Variants in AIF1L observed in about 807,000 individuals in gnomAD.
AIF1L encodes allograft inflammatory factor 1 like.
Under a neutral mutation model 20.7 loss-of-function variants are expected in AIF1L, and 12 were observed. The ratio of observed to expected loss-of-function variants is 0.58; its 90% CI spans 0.37 to 0.94. The LOEUF is 0.94. AIF1L is among the 40% of genes least tolerant of loss of function. AIF1L has a pLI of 0.01. For synonymous variants in AIF1L, 76 were observed against 65.1 expected (o/e 1.17, Z -0.81); for missense variants, 173 against 185.3 (o/e 0.93, Z 0.39).
At chr9:131,119,049 G>C (rs570684380) in intron 5 of AIF1L, among the ~76,000 whole-genome samples, 1 of 152,340 alleles carries the variant, frequency 6.6e-6, no homozygotes, top group East Asian at 1.9e-4. Flanking sequence ...TGTCTTCCGT[G>C]ATGTCCTGAG....
chr9:131,110,397 C>A (rs1373417065), intron 2 of AIF1L, among the ~76,000 whole-genome samples: 1 of 152,104 alleles, frequency 6.6e-6, no homozygotes, highest in Admixed American at 6.6e-5. Context: ...GAGATTAAAA[C>A]CCCCATTTTA....
At chr9:131,111,916 C>T (rs1830897909) in intron 3 of AIF1L, 4 of 526,230 alleles carry the variant, frequency 7.6e-6, no homozygotes, top group East Asian at 6.6e-5. Context: ...GCCCCTCTCT[C>T]TCCCCTCACT....
At chr9:131,110,748 C>T (rs1197803976) in intron 2 of AIF1L, among the ~76,000 whole-genome samples, 4 of 151,722 alleles carry the variant, frequency 2.6e-5, no homozygotes, top group African/African-American at 7.3e-5. Flanking sequence ...GGTGATCGGC[C>T]CACCTTGGCC....
intron 2 of AIF1L, among the ~76,000 whole-genome samples, chr9:131,108,788 T>C (rs1830808642): frequency 6.6e-6 from 1 of 152,244 alleles, no homozygotes; most frequent in Admixed American, 6.5e-5. Flanking sequence ...ATCTTATCTG[T>C]TGCTCATTGA....
intron 2 of AIF1L, among the ~76,000 whole-genome samples, chr9:131,101,140 C>T (rs1830632719): frequency 6.6e-6 from 1 of 151,976 alleles, no homozygotes; most frequent in Admixed American, 6.6e-5. Flanking sequence ...TCGTGATCCG[C>T]CCCCCTCGGC....
intron 3 of AIF1L, 82 bp downstream of exon 3, chr9:131,111,745 C>T: frequency 7.4e-7 from 1 of 1,346,818 alleles, no homozygotes; most frequent in Non-Finnish European, 1.1e-6. Flanking sequence ...ACCCCTCAGC[C>T]CCACAGGACT....
Position 131,119,455 on chromosome 9 carries a change from C to G in AIF1L, c.366-780C>G, listed in dbSNP as rs183536796. 2.4e-4 allele frequency among the ~76,000 whole-genome samples: 35 copies of G among 148,526 alleles called. No individual in the cohort carries two copies. In the East Asian group the frequency reaches 5.3e-3, roughly 23 times the overall value. ...GGCGGAGGTTGCAGTGAGCAGAGATCGTGACATTGCCCTCCAGCCTGGGCG... is the reference window on the plus strand; with the variant it reads ...GGCGGAGGTTGCAGTGAGCAGAGATGGTGACATTGCCCTCCAGCCTGGGCG... On this transcript the variant is annotated intron_variant, in intron 5 of 5. Transcript: ENST00000247291.
rs1830881623 is a variant in AIF1L at position 131,111,464 on chromosome 9, G to A, written c.94-133G>A. The A allele has an allele frequency of 5.1e-6, 4 of 781,696 alleles. No individual in the cohort carries two copies. The South Asian group carries it at 6.5e-5, about 13-fold the overall frequency. The allele number at this position is 781,696 out of a possible 1,614,324, so 48.4% of individuals were successfully genotyped here. On this transcript the variant is annotated intron_variant, in intron 2 of 5. Coordinates refer to ENST00000247291, the MANE Select transcript of AIF1L (RefSeq NM_031426.4). ...CTCCAAGGGGCGACAGGAAGCCGGG[G>A]TGAACAAGGGACAAACTGGGTCTGG...
Position 131,121,142 on chromosome 9 carries a change from T to C in AIF1L, c.*820T>C, listed in dbSNP as rs1831130357. ...TACTGAGGGGACCAGGATGGGAGAA[T>C]GAGGAGTAAAATGCTCACGGCAAAG... On this transcript the variant is annotated 3_prime_UTR_variant, in exon 6 of 6. Transcript: ENST00000247291. 2 of 713,596 alleles carry C rather than the reference T, an allele frequency of 2.8e-6. No individual in the cohort carries two copies. Among genetic ancestry groups the C allele is most frequent in the South Asian group, 3.0e-5 (2 of 66,458 alleles). 44.2% of individuals were successfully genotyped at this position (713,596 alleles called of 1,614,324 possible). A position where few individuals can be genotyped will look rare whatever the true frequency, so the allele number is the denominator to read the frequency against.
In AIF1L at chr9:131,111,062, G is replaced by A. The variant is rs1371671739; in HGVS notation, c.94-535G>A. Among the ~76,000 whole-genome samples, 7 of 151,932 alleles carry A rather than the reference G, an allele frequency of 4.6e-5. No individual in the cohort carries two copies. The East Asian group carries it at 1.4e-3, about 30-fold the overall frequency. On this transcript the variant is annotated intron_variant, in intron 2 of 5. Transcript: ENST00000247291. The stretch of plus-strand genomic sequence containing the variant: ...ATGGTGGCAGGCGCCTGTAATCCCA[G>A]CTACTGGGGAGGCTGAGGCAGGAGA...
chr9:131,109,792 A>G (rs1830835768), intron 2 of AIF1L, among the ~76,000 whole-genome samples: 1 of 152,136 alleles, frequency 6.6e-6, no homozygotes, highest in Non-Finnish European at 1.5e-5. Context: ...CCAGATGAAC[A>G]CCTGCAATCT....
At position 131,120,425 on chromosome 9, in the gene AIF1L, C is replaced by A; in HGVS notation, c.*103C>A. On this transcript the variant is annotated 3_prime_UTR_variant, in exon 6 of 6. Coordinates refer to ENST00000247291, the MANE Select transcript of AIF1L (RefSeq NM_031426.4). ...TCTCTCTCTCTCTCATTTGTTTGGT[C>A]ATTGAGGGTTTGTTTGTGTTTTCAT... 9.3e-6 allele frequency: 9 copies of A among 972,658 alleles called. No individual in the cohort carries two copies. The highest frequency in any genetic ancestry group is 1.7e-5 in the South Asian group (1 of 58,844). 60.3% of individuals were successfully genotyped at this position (972,658 alleles called of 1,614,324 possible).
At chr9:131,111,719 C>A (rs964736431) in intron 3 of AIF1L, 56 bp downstream of exon 3, 3 of 1,524,890 alleles carry the variant, frequency 2.0e-6, no homozygotes, top group Non-Finnish European at 2.7e-6. Context: ...GCTGGCCCCT[C>A]ATCCTTGCAC....
intron 2 of AIF1L, among the ~76,000 whole-genome samples, chr9:131,098,952 G>A (rs987484319): frequency 1.3e-5 from 2 of 152,160 alleles, no homozygotes; most frequent in Admixed American, 1.3e-4. Flanking sequence ...GGAAGGAGGC[G>A]CCAGGATCAC....
chr9:131,121,671 A>G lies in AIF1L; in HGVS notation c.*1349A>G, dbSNP rs565476483. ...TGGGCTGCCTTAGTTAGTTATGAGA[A>G]CAGGGAAGGGCTGGGAAGAGACAGC... On this transcript the variant is annotated 3_prime_UTR_variant, in exon 6 of 6. Transcript: ENST00000247291. The G allele has an allele frequency of 1.3e-5, 2 of 152,848 alleles. No homozygotes were observed. Among genetic ancestry groups the G allele is most frequent in the East Asian group, 3.9e-4 (2 of 5,192 alleles). The allele number at this position is 152,848 out of a possible 1,614,324, so 9.5% of individuals were successfully genotyped here.
At chr9:131,102,849 C>G (rs756257049) in intron 2 of AIF1L, 1 of 456,172 alleles carries the variant, frequency 2.2e-6, no homozygotes, top group Non-Finnish European at 4.4e-6. Context: ...CCTTGGAGTT[C>G]TTGTCCAAGG....
intron 2 of AIF1L, among the ~76,000 whole-genome samples, chr9:131,098,817 C>T (rs1830579954): frequency 6.6e-6 from 1 of 152,202 alleles, no homozygotes; most frequent in African/African-American, 2.4e-5. Flanking sequence ...GACCCAAGGC[C>T]ACGCAGAAGC....
rs903483693 is a variant in AIF1L, at chr9:131,120,251, G to A, written c.382G>A (p.Gly128Arg). The change falls in exon 6 of 6, where the codon GGA becomes AGA. Residue 128 changes from glycine (G) to arginine (R), a missense_variant. Coordinates refer to ENST00000247291, the MANE Select transcript of AIF1L (RefSeq NM_031426.4). ...CCAAACCAGAGTCATGATGTTTGAA[G>A]GAAAAGCCAACGAGAGCAGCCCCAA... ...AVLKLVMMFE[G>R]KANESSPKPV... 2 of 1,613,528 alleles carry A rather than the reference G, an allele frequency of 1.2e-6. No homozygotes were observed. The highest frequency in any genetic ancestry group is 1.7e-6 in the Non-Finnish European group (2 of 1,179,880).
chr9:131,105,558 T>C (rs1830728552), intron 2 of AIF1L, among the ~76,000 whole-genome samples: 1 of 152,086 alleles, frequency 6.6e-6, no homozygotes, highest in Admixed American at 6.5e-5. Flanking sequence ...TTGGCCAGGC[T>C]GGTCTTGAAC....
Sources: gnomAD v4.1 joint callset for allele counts (sites outside exome capture counted in the v4.1 genomes callset) on GRCh38, gnomAD v4.1.1 for gene constraint, MANE v1.5 for transcripts, NCBI Gene and HGNC (gene_info 2026-07-23, HGNC 2026-07-21) for gene names.